The following NDST4 variants were observed in gnomAD, a reference collection of about 807,000 sequenced individuals.
NDST4 encodes N-heparan sulfate sulfotransferase 4.
Under a neutral mutation model 100.8 loss-of-function variants are expected in NDST4, and 63 were observed. That is an observed-to-expected ratio of 0.62 (90% CI 0.51 to 0.77). NDST4 has a LOEUF of 0.77. Among genes scored for constraint, NDST4 ranks in the 30% least tolerant of loss-of-function variants. NDST4 has a pLI of 0.00. For synonymous variants in NDST4, 377 were observed against 361.8 expected, an observed-to-expected ratio of 1.04 and a Z score of -0.48; for missense variants, 943 against 1,018.4, an observed-to-expected ratio of 0.93 and a Z score of 1.01.
intron 6 of NDST4, among the ~76,000 whole-genome samples, chr4:114,881,490 T>G (rs1324859067): frequency 6.6e-6 from 1 of 151,920 alleles, no homozygotes; most frequent in African/African-American, 2.4e-5. Flanking sequence ...AACAGAAACC[T>G]CAAAATAGTG....
intron 11 of NDST4, among the ~76,000 whole-genome samples, chr4:114,838,830 C>CA (rs57686472): frequency 3.5e-4 from 51 of 147,470 alleles, no homozygotes; most frequent in Admixed American, 5.4e-4. Flanking sequence ...AAGATCAATA[C>CA]AAAAAAAAAT....
chr4:114,937,462 T>G lies in NDST4; in HGVS notation c.1263A>C (p.Pro421=), dbSNP rs1725654502. 6.2e-7 allele frequency: 1 copy of G among 1,606,852 alleles called. No individual in the cohort carries two copies. The highest frequency in any genetic ancestry group is 1.3e-5 in the African/African-American group (1 of 74,854). The change falls in exon 5 of 14, where the codon CCA becomes CCC. Residue 421 remains proline (P), a synonymous_variant. Coordinates refer to ENST00000264363, the MANE Select transcript of NDST4 (RefSeq NM_022569.3). ...IPINMGYAVA[P]HHSGVYPVHI... is the part of the protein sequence containing the mutation. ...GAACCGGGTAGACCCCTGAGTGATG[T>G]GGGGCCACAGCATAGCCCATGTTGA...
chr4:114,869,924 C>T (rs9991654), intron 7 of NDST4, among the ~76,000 whole-genome samples: 40,647 of 151,948 alleles, frequency 0.27, 8,146 homozygotes, highest in African/African-American at 0.56. Flanking sequence ...GAGAAACAAA[C>T]AGTCTTGACC....
intron 2 of NDST4, among the ~76,000 whole-genome samples, chr4:115,057,240 A>G (rs1728714658): frequency 1.3e-5 from 2 of 152,120 alleles, no homozygotes; most frequent in Admixed American, 6.6e-5. Context: ...AAAGGAAGAG[A>G]AGATAGCTAA....
chr4:114,903,305 T>A (rs914578527), intron 6 of NDST4, among the ~76,000 whole-genome samples: 2 of 152,138 alleles, frequency 1.3e-5, no homozygotes, highest in African/African-American at 4.8e-5. Context: ...ATAATTACTT[T>A]TCCTCTCCCA....
chr4:114,892,475 C>T (rs1724618682), intron 6 of NDST4, among the ~76,000 whole-genome samples: 1 of 152,086 alleles, frequency 6.6e-6, no homozygotes, highest in African/African-American at 2.4e-5. Flanking sequence ...CTTTCTTTTA[C>T]ATACAAATTT....
At chr4:114,897,545 G>T (rs1724742282) in intron 6 of NDST4, among the ~76,000 whole-genome samples, 1 of 152,132 alleles carries the variant, frequency 6.6e-6, no homozygotes, top group Non-Finnish European at 1.5e-5. Context: ...ACATTGGTGT[G>T]CACAATTTTG....
At position 115,107,717 on chromosome 4, in the gene NDST4, T is replaced by C. The variant is rs116068465; in HGVS notation, c.-247+5727A>G. 3.3e-3 allele frequency among the ~76,000 whole-genome samples: 508 copies of C among 152,180 alleles called. 4 individuals are homozygous for C. The highest frequency in any genetic ancestry group is 0.012 in the African/African-American group (488 of 41,534). On this transcript the variant is annotated intron_variant, in intron 1 of 13. Coordinates refer to ENST00000264363, the MANE Select transcript of NDST4 (RefSeq NM_022569.3). Reference sequence around the variant, plus strand: ...AGAATATAAGCCTCCTGAGAGCTATTTTGTTCACCCTAGTAACTTGCATGG... The same window carrying C: ...AGAATATAAGCCTCCTGAGAGCTATCTTGTTCACCCTAGTAACTTGCATGG...
At chr4:114,978,383 A>T (rs564144938) in intron 2 of NDST4, among the ~76,000 whole-genome samples, 91 of 152,082 alleles carry the variant, frequency 6.0e-4, no homozygotes, top group African/African-American at 2.0e-3. Flanking sequence ...TAGTTTAATT[A>T]AAAAAATGAC....
rs1313661944 is a variant in NDST4 at position 115,113,445 on chromosome 4, T to G, written c.-248A>C. On this transcript the variant is annotated splice_region_variant and 5_prime_UTR_variant, in exon 1 of 14. An upstream open reading frame in the 5' UTR loses its in-frame stop. Transcript: ENST00000264363. ...TCAGCAAATTAAGCAGTAACTTACC[T>G]AGAGAAGCATTTCAATATTTTGTCT... 1 of 152,020 alleles carries G rather than the reference T, an allele frequency of 6.6e-6. No homozygotes were observed. The highest frequency in any genetic ancestry group is 1.9e-4 in the East Asian group (1 of 5,148). 9.4% of individuals were successfully genotyped at this position (152,020 alleles called of 1,614,324 possible).
chr4:114,908,709 A>G lies in NDST4; in HGVS notation c.1536+26497T>C, dbSNP rs187488179. 3.3e-3 allele frequency among the ~76,000 whole-genome samples: 501 copies of G among 152,324 alleles called. 2 individuals are homozygous for G. The highest frequency in any genetic ancestry group is 0.014 in the Middle Eastern group (4 of 294). The stretch of plus-strand genomic sequence containing the variant: ...AAAGGAGACTAAAAAATTGAGTAAA[A>G]TCAAGAAACGTGTTAGCACACATAT... On this transcript the variant is annotated intron_variant, in intron 6 of 13. Transcript: ENST00000264363.
intron 2 of NDST4, among the ~76,000 whole-genome samples, chr4:115,021,734 C>A (rs1560863702): frequency 6.8e-6 from 1 of 147,918 alleles, no homozygotes; most frequent in Admixed American, 6.7e-5. Context: ...CGTTCCACAT[C>A]TATACACATT....
In NDST4 at chr4:114,916,890, A is replaced by AT. The variant is rs1010401884; in HGVS notation, c.1536+18315dup. 3.4e-5 allele frequency among the ~76,000 whole-genome samples: 5 copies of AT among 148,960 alleles called. No individual in the cohort carries two copies. The East Asian group carries it at 8.7e-4, about 26-fold the overall frequency. ...TCAGACCATGAGAACCGTACCCTTAATTTTTTTTATTTCTCTGGAACACTA... is the reference window on the plus strand; with the variant it reads ...TCAGACCATGAGAACCGTACCCTTAATTTTTTTTTATTTCTCTGGAACACTA... On this transcript the variant is annotated intron_variant, in intron 6 of 13. Transcript: ENST00000264363.
chr4:114,909,398 C>T (rs1054457544), intron 6 of NDST4, among the ~76,000 whole-genome samples: 5 of 151,956 alleles, frequency 3.3e-5, no homozygotes, highest in African/African-American at 4.8e-5. Flanking sequence ...CGGTGGCTCA[C>T]GCCTGTAATC....
Position 114,984,587 on chromosome 4 carries a change from G to C in NDST4, c.979-7313C>G, listed in dbSNP as rs746585494. ...TAAAAAGGTGTCTTATTTATCCTAA[G>C]TAGATTATGATATGGGAATCAGAAG... On this transcript the variant is annotated intron_variant, in intron 2 of 13. Coordinates refer to ENST00000264363, the MANE Select transcript of NDST4 (RefSeq NM_022569.3). 5.5e-4 allele frequency among the ~76,000 whole-genome samples: 83 copies of C among 152,060 alleles called. 1 individual carries two copies. Among genetic ancestry groups the C allele is most frequent in the Non-Finnish European group, 8.4e-4 (57 of 68,014 alleles).
At chr4:114,918,733 A>G (rs1445285485) in intron 6 of NDST4, among the ~76,000 whole-genome samples, 1 of 152,094 alleles carries the variant, frequency 6.6e-6, no homozygotes, top group Non-Finnish European at 1.5e-5. Context: ...TCAGAGATCA[A>G]CTATTTTGAC....
At chr4:114,994,732 C>A (rs1284568268) in intron 2 of NDST4, among the ~76,000 whole-genome samples, 4 of 151,936 alleles carry the variant, frequency 2.6e-5, no homozygotes, top group Admixed American at 1.3e-4. Context: ...AATAAGACTG[C>A]AATATGAAGA....
At chr4:115,096,152 T>C (rs1338516945) in intron 1 of NDST4, among the ~76,000 whole-genome samples, 1 of 121,494 alleles carries the variant, frequency 8.2e-6, no homozygotes, top group Non-Finnish European at 1.8e-5. Flanking sequence ...TAAATCCCAC[T>C]GTCCACCAAA....
At chr4:114,830,305 A>G (rs182790159) in intron 12 of NDST4, among the ~76,000 whole-genome samples, 203 of 152,318 alleles carry the variant, frequency 1.3e-3, no homozygotes, top group African/African-American at 4.7e-3. Context: ...ATTCACTGGT[A>G]TATATTAAAG....
Sources: gnomAD v4.1 joint callset for allele counts (sites outside exome capture counted in the v4.1 genomes callset) on GRCh38, gnomAD v4.1.1 for gene constraint, MANE v1.5 for transcripts, NCBI Gene and HGNC (gene_info 2026-07-23, HGNC 2026-07-21) for gene names.